The following AGBL4 variants were observed in gnomAD, a reference collection of about 807,000 sequenced individuals.
AGBL4 encodes AGBL carboxypeptidase 4.
AGBL4 carries 58 observed loss-of-function variants against 66.4 expected under a neutral mutation model. That is an observed-to-expected ratio of 0.87 (90% CI 0.71 to 1.09). AGBL4 has a LOEUF of 1.09. Ranked by LOEUF, AGBL4 falls within the 50% of genes least tolerant of loss-of-function variation. AGBL4 has a pLI of 0.00. For missense variants in AGBL4, 579 were observed against 631.0 expected (o/e 0.92, Z 0.88); for synonymous variants, 234 against 222.9 (o/e 1.05, Z -0.44).
intron 4 of AGBL4, among the ~76,000 whole-genome samples, chr1:49,144,527 A>ACACG (rs1646179388): frequency 7.0e-5 from 1 of 14,232 alleles, no homozygotes. Flanking sequence ...TACCTAATCT[A>ACACG]CACACACACA....
intron 6 of AGBL4, among the ~76,000 whole-genome samples, chr1:48,822,786 T>G (rs552019687): frequency 6.6e-6 from 1 of 152,358 alleles, no homozygotes; most frequent in African/African-American, 2.4e-5. Flanking sequence ...CAGTTCTTTA[T>G]AGCATACACA....
chr1:48,905,106 C>G (rs905352175), intron 5 of AGBL4, among the ~76,000 whole-genome samples: 2 of 152,100 alleles, frequency 1.3e-5, no homozygotes, highest in African/African-American at 4.8e-5. Context: ...GGGTAACTAA[C>G]GAGGAATCTT....
chr1:48,793,418 G>A (rs1027532751), intron 6 of AGBL4, among the ~76,000 whole-genome samples: 17 of 152,028 alleles, frequency 1.1e-4, no homozygotes, highest in African/African-American at 4.1e-4. Flanking sequence ...AGAGACAGAT[G>A]GTATATCCTA....
At chr1:48,924,279 TATAA>T (rs56391090) in intron 5 of AGBL4, among the ~76,000 whole-genome samples, 17,435 of 148,502 alleles carry the variant, frequency 0.12, 1,120 homozygotes, top group African/African-American at 0.14. Flanking sequence ...GAATCTAAAA[TATAA>T]ATAAATAAAT....
chr1:49,845,064 A>G lies in AGBL4; in HGVS notation c.157+6332T>C, dbSNP rs1571699189. 7.6e-6 allele frequency: 11 copies of G among 1,454,566 alleles called. No individual in the cohort carries two copies. In the Middle Eastern group the frequency reaches 1.2e-3, roughly 165 times the overall value. The allele number at this position is 1,454,566 out of a possible 1,614,324, so 90.1% of individuals were successfully genotyped here. On this transcript the variant is annotated intron_variant, in intron 2 of 13. Coordinates refer to ENST00000371839, the MANE Select transcript of AGBL4 (RefSeq NM_032785.4). The stretch of plus-strand genomic sequence containing the variant: ...ATGCTCTACAGAAAACCTATGTAAA[A>G]GAGAAACCCTACAAATGTCAGGAAT...
At chr1:49,282,508 G>A (rs1459162728) in intron 3 of AGBL4, among the ~76,000 whole-genome samples, 1 of 152,124 alleles carries the variant, frequency 6.6e-6, no homozygotes, top group Non-Finnish European at 1.5e-5. Context: ...TAAGAAAGTA[G>A]GGGGAGGACC....
intron 11 of AGBL4, among the ~76,000 whole-genome samples, chr1:48,558,206 A>G (rs1644348898): frequency 6.6e-6 from 1 of 152,214 alleles, no homozygotes; most frequent in Non-Finnish European, 1.5e-5. Context: ...TTCGGCTTTA[A>G]TCACGCATCC....
At chr1:48,929,368 C>T (rs1654849674) in intron 5 of AGBL4, among the ~76,000 whole-genome samples, 1 of 152,140 alleles carries the variant, frequency 6.6e-6, no homozygotes, top group African/African-American at 2.4e-5. Context: ...GCCACTTTGG[C>T]CTTCACTTTG....
intron 2 of AGBL4, among the ~76,000 whole-genome samples, chr1:49,780,505 C>G (rs528201271): frequency 1.3e-5 from 2 of 151,970 alleles, no homozygotes; most frequent in African/African-American, 4.8e-5. Flanking sequence ...CTTTAAAATA[C>G]ATAGAATTAC....
intron 4 of AGBL4, among the ~76,000 whole-genome samples, chr1:49,240,986 C>A (rs1415120131): frequency 1.3e-5 from 2 of 151,888 alleles, no homozygotes; most frequent in Non-Finnish European, 2.9e-5. Flanking sequence ...ATCCAGGACT[C>A]CTCCTTCTCT....
chr1:49,730,221 C>T (rs1649334310), intron 2 of AGBL4, among the ~76,000 whole-genome samples: 1 of 152,096 alleles, frequency 6.6e-6, no homozygotes, highest in African/African-American at 2.4e-5. Flanking sequence ...CTGCCTTGCT[C>T]ATTCTCCAGT....
At chr1:48,969,760 CATCTAGGGCCA>C (rs1185246701) in intron 5 of AGBL4, among the ~76,000 whole-genome samples, 1 of 152,104 alleles carries the variant, frequency 6.6e-6, no homozygotes, top group East Asian at 1.9e-4. Context: ...TCTCCTTCAG[CATCTAGGGCCA>C]ATCTACCCTA....
At chr1:49,136,527 G>T (rs528139263) in intron 4 of AGBL4, among the ~76,000 whole-genome samples, 1 of 152,042 alleles carries the variant, frequency 6.6e-6, no homozygotes, top group East Asian at 1.9e-4. Flanking sequence ...TCTAAAATAA[G>T]GCATCAGGAA....
At chr1:48,740,766 G>C (rs1181573311) in intron 6 of AGBL4, among the ~76,000 whole-genome samples, 3 of 152,182 alleles carry the variant, frequency 2.0e-5, no homozygotes, top group Non-Finnish European at 4.4e-5. Flanking sequence ...GGAAGGGTCA[G>C]ACAAGACAGC....
intron 4 of AGBL4, among the ~76,000 whole-genome samples, chr1:49,103,530 C>T (rs1645240056): frequency 6.6e-6 from 1 of 152,202 alleles, no homozygotes; most frequent in African/African-American, 2.4e-5. Context: ...CCCACAGTCA[C>T]ACAGGCTGAA....
intron 4 of AGBL4, among the ~76,000 whole-genome samples, chr1:49,083,794 T>C (rs960559257): frequency 1.3e-5 from 2 of 152,232 alleles, no homozygotes; most frequent in Admixed American, 1.3e-4. Context: ...TGAGCTTTCC[T>C]TTTAAACATA....
chr1:49,030,687 C>A (rs1227122120), intron 5 of AGBL4, among the ~76,000 whole-genome samples: 2 of 151,914 alleles, frequency 1.3e-5, no homozygotes, highest in Non-Finnish European at 2.9e-5. Context: ...CCCGAAACCA[C>A]CCCCACCATG....
At chr1:49,939,320 A>G (rs1005879235) in intron 1 of AGBL4, among the ~76,000 whole-genome samples, 3 of 151,752 alleles carry the variant, frequency 2.0e-5, no homozygotes, top group Non-Finnish European at 4.4e-5. Flanking sequence ...TCAAGCTACC[A>G]ATGACTTTCT....
intron 5 of AGBL4, among the ~76,000 whole-genome samples, chr1:48,978,614 G>A (rs750186578): frequency 6.6e-5 from 10 of 152,046 alleles, no homozygotes; most frequent in Non-Finnish European, 1.0e-4. Context: ...TAATGCTTCC[G>A]GTGATAACAG....
Sources: allele counts gnomAD v4.1 joint callset (sites outside exome capture counted in the v4.1 genomes callset), GRCh38; gene constraint gnomAD v4.1.1; transcripts MANE v1.5; gene names NCBI Gene and HGNC (gene_info 2026-07-23, HGNC 2026-07-21).